HDAC9: variants seen among roughly 807,000 people sequenced by gnomAD.
The protein encoded by HDAC9 is histone deacetylase 9.
A neutral mutation model predicts 139.4 loss-of-function variants in HDAC9; 41 were observed. The observed-to-expected ratio is 0.29, with a 90% CI of 0.23 to 0.38. The LOEUF (loss-of-function observed/expected upper bound fraction) is 0.38. HDAC9 is among the 10% of genes least tolerant of loss of function. The pLI, the probability that HDAC9 is intolerant of heterozygous loss-of-function variation, is 1.00. For missense variants in HDAC9, 1,147 were observed against 1,297.0 expected (o/e 0.88, Z 1.78); for synonymous variants, 517 against 476.2 (o/e 1.09, Z -1.12).
intron 2 of HDAC9, among the ~76,000 whole-genome samples, chr7:18,562,783 G>A (rs1322286634): frequency 2.6e-5 from 4 of 151,944 alleles, no homozygotes; most frequent in African/African-American, 9.7e-5. Flanking sequence ...TCAATTGCCA[G>A]GAAAAAAGAT....
At chr7:18,959,710 A>G (rs1783395685) in intron 24 of HDAC9, among the ~76,000 whole-genome samples, 1 of 152,182 alleles carries the variant, frequency 6.6e-6, no homozygotes, top group African/African-American at 2.4e-5. Flanking sequence ...CTACTGTGAC[A>G]ACAAAGTGGC....
intron 2 of HDAC9, among the ~76,000 whole-genome samples, chr7:18,227,865 G>A (rs1021139487): frequency 6.6e-6 from 1 of 152,112 alleles, no homozygotes; most frequent in South Asian, 2.1e-4. Flanking sequence ...GTGCCTATCG[G>A]ATGAATTATA....
At chr7:18,549,558 A>C (rs1411074080) in intron 2 of HDAC9, among the ~76,000 whole-genome samples, 1 of 152,160 alleles carries the variant, frequency 6.6e-6, no homozygotes, top group Non-Finnish European at 1.5e-5. Flanking sequence ...CAATTTCAAC[A>C]GTTTACATAT....
chr7:18,114,446 C>G lies in HDAC9; in HGVS notation c.-97+27233C>G, dbSNP rs190227117. On this transcript the variant is annotated intron_variant, in intron 1 of 12. Transcript: ENST00000417496. ...TTGCCAAAGGGGATGATCTCAAGTC[C>G]TGTCTAGCTCCAACCTTTGCATTTT... Among the ~76,000 whole-genome samples, 228 of 152,300 alleles carry G rather than the reference C, an allele frequency of 1.5e-3. 1 individual carries two copies. Among genetic ancestry groups the G allele is most frequent in the Non-Finnish European group, 2.4e-3 (160 of 68,024 alleles).
chr7:18,595,641 C>G (rs1562506129), intron 6 of HDAC9, among the ~76,000 whole-genome samples: 1 of 151,982 alleles, frequency 6.6e-6, no homozygotes. Context: ...CAGGAGGTTA[C>G]TGATGAGTGA....
At chr7:18,636,112 G>T (rs1014847082) in intron 8 of HDAC9, among the ~76,000 whole-genome samples, 3 of 152,060 alleles carry the variant, frequency 2.0e-5, no homozygotes, top group Admixed American at 2.0e-4. Flanking sequence ...GCACACTTGA[G>T]TTTTGAGCTT....
At position 18,429,033 on chromosome 7, in the gene HDAC9, C is replaced by G. The variant is rs1755849131; in HGVS notation, c.-41-67229C>G. ...AGATCACCCTGTAGAAAATAGCAATCCTACCCACCTCCAACCTACGGCACC... is the reference window on the plus strand; with the variant it reads ...AGATCACCCTGTAGAAAATAGCAATGCTACCCACCTCCAACCTACGGCACC... On this transcript the variant is annotated intron_variant, in intron 1 of 3. Transcript: ENST00000413509. 3 of 152,230 alleles carry G rather than the reference C, an allele frequency of 2.0e-5. No individual in the cohort carries two copies. The South Asian group carries it at 6.2e-4, about 32-fold the overall frequency. 9.4% of individuals were successfully genotyped at this position (152,230 alleles called of 1,614,324 possible).
intron 16 of HDAC9, among the ~76,000 whole-genome samples, chr7:18,780,126 C>T (rs1000713237): frequency 6.6e-6 from 1 of 152,002 alleles, no homozygotes; most frequent in Non-Finnish European, 1.5e-5. Context: ...TGCTACTCAT[C>T]CGTGGACCAC....
At chr7:18,358,529 A>G (rs1267110141) in intron 1 of HDAC9, among the ~76,000 whole-genome samples, 1 of 152,232 alleles carries the variant, frequency 6.6e-6, no homozygotes, top group Non-Finnish European at 1.5e-5. Flanking sequence ...AATTTAAGCA[A>G]CTTCGAATGA....
At chr7:18,822,905 A>G (rs1795096547) in intron 17 of HDAC9, among the ~76,000 whole-genome samples, 2 of 152,256 alleles carry the variant, frequency 1.3e-5, no homozygotes, top group Admixed American at 1.3e-4. Flanking sequence ...AGATTTTATT[A>G]TGTATCATAG....
intron 2 of HDAC9, among the ~76,000 whole-genome samples, chr7:18,568,971 C>T (rs1242897802): frequency 1.3e-5 from 2 of 151,938 alleles, no homozygotes; most frequent in Non-Finnish European, 2.9e-5. Flanking sequence ...CGCTTGAACC[C>T]GGGAGGCGAA....
chr7:18,458,201 G>C (rs1286177612), intron 1 of HDAC9, among the ~76,000 whole-genome samples: 1 of 152,096 alleles, frequency 6.6e-6, no homozygotes, highest in African/African-American at 2.4e-5. Flanking sequence ...ATTAAATCGT[G>C]GATGGTTGAC....
intron 12 of HDAC9, among the ~76,000 whole-genome samples, chr7:18,712,646 G>A (rs947715179): frequency 3.9e-5 from 6 of 152,102 alleles, no homozygotes; most frequent in African/African-American, 9.7e-5. Context: ...GTAAATCCTA[G>A]GTATTGCAGG....
chr7:18,088,179 T>C (rs1160991914), intron 1 of HDAC9: 1 of 152,224 alleles, frequency 6.6e-6, no homozygotes, highest in East Asian at 1.9e-4. Flanking sequence ...TATCTACATA[T>C]ATTCATTATT....
At chr7:18,605,790 C>T (rs569477782) in intron 6 of HDAC9, among the ~76,000 whole-genome samples, 1 of 152,168 alleles carries the variant, frequency 6.6e-6, no homozygotes, top group Non-Finnish European at 1.5e-5. Context: ...ACGCTATTCT[C>T]CTGCCTCAGC....
chr7:18,479,285 A>C (rs1795359286), intron 1 of HDAC9, among the ~76,000 whole-genome samples: 1 of 152,062 alleles, frequency 6.6e-6, no homozygotes, highest in Non-Finnish European at 1.5e-5. Flanking sequence ...TGATTTTCTG[A>C]GTGGGAGTGT....
intron 1 of HDAC9, among the ~76,000 whole-genome samples, chr7:18,361,997 G>A (rs1166977966): frequency 1.3e-5 from 2 of 152,136 alleles, no homozygotes; most frequent in Non-Finnish European, 2.9e-5. Context: ...CTCAGCATGG[G>A]CCACCTTCTT....
chr7:18,793,415 T>C lies in HDAC9; in HGVS notation c.2285T>C (p.Ile762Thr). ...GAARMAVGCV[I>T]ELASKVASGE... is the part of the protein sequence containing the mutation. ...GCACGCATGGCTGTTGGCTGTGTCATCGAGCTGGCTTCCAAAGTGGCCTCA... is the reference window on the plus strand; with the variant it reads ...GCACGCATGGCTGTTGGCTGTGTCACCGAGCTGGCTTCCAAAGTGGCCTCA... Residue 762 changes from isoleucine (I) to threonine (T), a missense_variant, in exon 17 of 26, where the codon ATC becomes ACC. By Grantham distance (89) the Ile-to-Thr change is moderately conservative. Transcript: ENST00000686413. 6.3e-7 allele frequency: 1 copy of C among 1,584,696 alleles called. No homozygotes were observed. Among genetic ancestry groups the C allele is most frequent in the Non-Finnish European group, 8.6e-7 (1 of 1,165,388 alleles).
intron 21 of HDAC9, among the ~76,000 whole-genome samples, chr7:18,864,583 G>C (rs914017277): frequency 2.6e-5 from 4 of 151,566 alleles, no homozygotes; most frequent in African/African-American, 9.7e-5. Context: ...TAAGGGGGTG[G>C]ATGTCATGTT....
Sources: allele counts gnomAD v4.1 joint callset (sites outside exome capture counted in the v4.1 genomes callset), GRCh38; gene constraint gnomAD v4.1.1; transcripts MANE v1.5; gene names NCBI Gene and HGNC (gene_info 2026-07-23, HGNC 2026-07-21).